NLGN1: variants seen among roughly 807,000 people sequenced by gnomAD.
The protein encoded by NLGN1 is neuroligin-1.
In NLGN1, 12 loss-of-function variants were observed where a neutral mutation model predicts 65.5. That is an observed-to-expected ratio of 0.18 (90% CI 0.12 to 0.30). The LOEUF (loss-of-function observed/expected upper bound fraction) is 0.30, where lower values mean the gene tolerates loss of function less well. Ranked by LOEUF, NLGN1 falls within the 10% of genes least tolerant of loss-of-function variation. The probability of loss-of-function intolerance (pLI) is 1.00; values close to 1 mark genes in which losing one functional copy is unlikely to be tolerated. For missense variants in NLGN1, 750 were observed against 1,007.1 expected (o/e 0.74, Z 3.46); for synonymous variants, 350 against 359.5 (o/e 0.97, Z 0.30).
chr3:174,071,237 G>T (rs376900053), intron 4 of NLGN1, among the ~76,000 whole-genome samples: 1 of 152,072 alleles, frequency 6.6e-6, no homozygotes, highest in African/African-American at 2.4e-5. Context: ...TTTTAAGATG[G>T]CAGCATTTAA....
intron 4 of NLGN1, among the ~76,000 whole-genome samples, chr3:174,123,347 A>G (rs1266076279): frequency 2.0e-5 from 3 of 152,124 alleles, no homozygotes; most frequent in Non-Finnish European, 4.4e-5. Flanking sequence ...TGTGGTTGTC[A>G]AAGATTTCTG....
chr3:173,962,227 A>T (rs1430647874), intron 4 of NLGN1, among the ~76,000 whole-genome samples: 1 of 152,120 alleles, frequency 6.6e-6, no homozygotes, highest in Admixed American at 6.6e-5. Context: ...TTTGTGAGTT[A>T]AGCTTAGCCT....
chr3:173,954,363 G>A (rs997178889), intron 4 of NLGN1, among the ~76,000 whole-genome samples: 1 of 151,806 alleles, frequency 6.6e-6, no homozygotes, highest in Non-Finnish European at 1.5e-5. Flanking sequence ...AAATCTTGAG[G>A]GAAGTGTAAA....
intron 4 of NLGN1, among the ~76,000 whole-genome samples, chr3:173,998,254 G>T (rs980975693): frequency 6.6e-6 from 1 of 152,094 alleles, no homozygotes; most frequent in Admixed American, 6.6e-5. Context: ...TCGTTGGCCA[G>T]GTTCCCCATT....
chr3:174,287,334 T>C (rs567518700), downstream of NLGN1, among the ~76,000 whole-genome samples: 3 of 151,366 alleles, frequency 2.0e-5, no homozygotes, highest in Non-Finnish European at 4.4e-5. Context: ...AGCCTAAAGA[T>C]AAATGTTTCC....
At chr3:173,496,237 T>C in intron 2 of NLGN1, among the ~76,000 whole-genome samples, 1 of 151,824 alleles carries the variant, frequency 6.6e-6, no homozygotes, top group East Asian at 1.9e-4. Context: ...GTGTTGTGGC[T>C]GCCATCATGG....
intron 2 of NLGN1, among the ~76,000 whole-genome samples, chr3:173,592,441 A>G (rs983221598): frequency 1.3e-5 from 2 of 151,954 alleles, no homozygotes; most frequent in African/African-American, 4.8e-5. Context: ...ATCTTATTGT[A>G]TTTTCTTTTT....
intron 4 of NLGN1, chr3:174,136,467 G>A (rs1434645590): frequency 1.3e-5 from 2 of 152,108 alleles, no homozygotes; most frequent in Admixed American, 6.5e-5. Flanking sequence ...TGGGTGGGCA[G>A]AGCAACATTG....
chr3:173,513,268 C>T (rs1375121104), intron 2 of NLGN1, among the ~76,000 whole-genome samples: 1 of 151,926 alleles, frequency 6.6e-6, no homozygotes, highest in Non-Finnish European at 1.5e-5. Context: ...TGGTAGAGCT[C>T]CTGTAGGTAA....
intron 2 of NLGN1, among the ~76,000 whole-genome samples, chr3:173,493,105 G>A (rs1220264596): frequency 6.6e-6 from 1 of 151,670 alleles, no homozygotes; most frequent in Non-Finnish European, 1.5e-5. Context: ...TTTACCTATG[G>A]TAAATTTCAT....
At chr3:174,157,903 TTTTC>T (rs1725752674) in intron 4 of NLGN1, among the ~76,000 whole-genome samples, 1 of 151,714 alleles carries the variant, frequency 6.6e-6, no homozygotes, top group Non-Finnish European at 1.5e-5. Flanking sequence ...CTCCCACTAT[TTTTC>T]TTTAATACTT....
At chr3:173,858,705 GT>G (rs1424359248) in intron 4 of NLGN1, among the ~76,000 whole-genome samples, 1 of 151,998 alleles carries the variant, frequency 6.6e-6, no homozygotes, top group African/African-American at 2.4e-5. Context: ...TGGAATGTCA[GT>G]TTTAAACCTT....
chr3:173,439,374 T>C (rs1718732515), intron 2 of NLGN1, among the ~76,000 whole-genome samples: 2 of 152,082 alleles, frequency 1.3e-5, no homozygotes. Context: ...CGGGAAACTA[T>C]ATAGAGGAAT....
intron 4 of NLGN1, among the ~76,000 whole-genome samples, chr3:174,244,970 T>C (rs1743531851): frequency 6.6e-6 from 1 of 152,214 alleles, no homozygotes; most frequent in South Asian, 2.1e-4. Context: ...GAAGCCCTTT[T>C]TTCCCTTAAC....
chr3:173,676,537 A>T (rs1437212982), intron 3 of NLGN1, among the ~76,000 whole-genome samples: 1 of 152,136 alleles, frequency 6.6e-6, no homozygotes, highest in Non-Finnish European at 1.5e-5. Context: ...TAAAGGTAAT[A>T]TGGTAAATGA....
At chr3:173,752,118 C>T (rs1242226159) in intron 3 of NLGN1, among the ~76,000 whole-genome samples, 2 of 152,036 alleles carry the variant, frequency 1.3e-5, no homozygotes, top group African/African-American at 4.8e-5. Flanking sequence ...TTCTGATTCT[C>T]AAAATTGTGT....
chr3:174,217,932 C>T (rs373692611), intron 4 of NLGN1, among the ~76,000 whole-genome samples: 2 of 152,044 alleles, frequency 1.3e-5, no homozygotes, highest in African/African-American at 4.8e-5. Flanking sequence ...TCACCTAACT[C>T]ATAAGTTTGC....
chr3:173,510,941 C>T (rs1375904340), intron 2 of NLGN1, among the ~76,000 whole-genome samples: 1 of 152,208 alleles, frequency 6.6e-6, no homozygotes. Context: ...TCCTTTTACT[C>T]ATACTGACTT....
At chr3:173,941,462 A>G (rs1448141198) in intron 4 of NLGN1, among the ~76,000 whole-genome samples, 1 of 151,940 alleles carries the variant, frequency 6.6e-6, no homozygotes, top group African/African-American at 2.4e-5. Flanking sequence ...AGATCATCCT[A>G]TTGGACTCCC....
Sources: allele counts gnomAD v4.1 joint callset (sites outside exome capture counted in the v4.1 genomes callset), GRCh38; gene constraint gnomAD v4.1.1; transcripts MANE v1.5; gene names NCBI Gene and HGNC (gene_info 2026-07-23, HGNC 2026-07-21).